The following ZNF780B variants were observed in gnomAD, a reference collection of about 807,000 sequenced individuals.
The protein encoded by ZNF780B is zinc finger protein 780B.
A neutral mutation model predicts 74.1 loss-of-function variants in ZNF780B; 52 were observed. The ratio of observed to expected loss-of-function variants is 0.70; its 90% confidence interval spans 0.56 to 0.88. ZNF780B has a LOEUF of 0.88. Among genes scored for constraint, ZNF780B ranks in the 40% least tolerant of loss-of-function variants. The pLI is 0.00. For synonymous variants in ZNF780B, 315 were observed against 324.3 expected (o/e 0.97, Z 0.31); for missense variants, 953 against 1,007.6 (o/e 0.95, Z 0.73).
At chr19:40,045,165 T>A (rs1972875553) in intron 4 of ZNF780B, among the ~76,000 whole-genome samples, 1 of 152,102 alleles carries the variant, frequency 6.6e-6, no homozygotes, top group Non-Finnish European at 1.5e-5. Flanking sequence ...TCTAAACATA[T>A]AACACCAACA....
At chr19:40,037,100 A>G (rs1046219209) in intron 4 of ZNF780B, among the ~76,000 whole-genome samples, 4 of 152,038 alleles carry the variant, frequency 2.6e-5, no homozygotes, top group African/African-American at 9.7e-5. Flanking sequence ...TTTTTAGTAG[A>G]GACGAGGTTT....
chr19:40,034,876 ACT>A lies in ZNF780B; in HGVS notation c.1981_1982del (p.Ser661TyrfsTer9). 1 of 1,613,966 alleles carries A rather than the reference ACT, an allele frequency of 6.2e-7. No homozygotes were observed. The highest frequency in any genetic ancestry group is 1.1e-5 in the South Asian group (1 of 91,068). On this transcript the variant is annotated frameshift_variant, in exon 5 of 5. Transcript: ENST00000434248. LOFTEE classifies it high-confidence loss of function. ...NRVSNLVQHQSIHAGVKPYEC... is the reference protein window; with the variant it reads ...NRVSNLVQHQXIHAGVKPYEC... ...CATATGGTTTTACACCAGCATGAAT[ACT>A]CTGATGTTGAACAAGGTTTGAGACA...
At position 40,032,839 on chromosome 19, in the gene ZNF780B, G is replaced by A. The variant is rs991538622; in HGVS notation, c.*1518C>T. Reference sequence around the variant, plus strand: ...GAATATTTTCCTTAAGGGTAATTATGGTACTATGGTTATATGATATTGTCT... The same window carrying A: ...GAATATTTTCCTTAAGGGTAATTATAGTACTATGGTTATATGATATTGTCT... On this transcript the variant is annotated 3_prime_UTR_variant, in exon 5 of 5. Coordinates refer to ENST00000434248, the MANE Select transcript of ZNF780B (RefSeq NM_001005851.3). 4 of 153,782 alleles carry A rather than the reference G, an allele frequency of 2.6e-5. No homozygotes were observed. The highest frequency in any genetic ancestry group is 9.7e-5 in the African/African-American group (4 of 41,370). The allele number at this position is 153,782 out of a possible 1,614,324, so 9.5% of individuals were successfully genotyped here. A position where few individuals can be genotyped will look rare whatever the true frequency, so the allele number is the denominator to read the frequency against.
intron 1 of ZNF780B, among the ~76,000 whole-genome samples, chr19:40,055,186 A>C (rs1419080221): frequency 6.6e-6 from 1 of 151,172 alleles, no homozygotes; most frequent in Non-Finnish European, 1.5e-5. Context: ...CCAGCTTAGA[A>C]GAAGAGAGCG....
intron 1 of ZNF780B, chr19:40,055,597 A>T (rs770333104): frequency 4.6e-5 from 7 of 152,128 alleles, no homozygotes; most frequent in Non-Finnish European, 8.8e-5. Flanking sequence ...AATGAGAAGG[A>T]AATAAAAGGA....
intron 4 of ZNF780B, among the ~76,000 whole-genome samples, chr19:40,039,953 C>T (rs373690650): frequency 2.0e-5 from 3 of 151,664 alleles, no homozygotes; most frequent in Admixed American, 6.6e-5. Context: ...CTATGTTGAA[C>T]AGGAGTGGTG....
In ZNF780B at chr19:40,032,138, G is replaced by A. The variant is rs1972030701; in HGVS notation, c.*2219C>T. ...AAACACATAGCCAACAACATTTCTG[G>A]GCTACTCAAAATTCAATGTCATTTT... On this transcript the variant is annotated 3_prime_UTR_variant, in exon 5 of 5. Coordinates refer to ENST00000434248, the MANE Select transcript of ZNF780B (RefSeq NM_001005851.3). 2 of 439,102 alleles carry A rather than the reference G, an allele frequency of 4.6e-6. No homozygotes were observed. The highest frequency in any genetic ancestry group is 1.6e-5 in the South Asian group (1 of 62,464). 27.2% of individuals were successfully genotyped at this position (439,102 alleles called of 1,614,324 possible). A position where few individuals can be genotyped will look rare whatever the true frequency, so the allele number is the denominator to read the frequency against.
Position 40,028,457 on chromosome 19 carries a change from A to G in ZNF780B, c.*5900T>C, listed in dbSNP as rs543740745. ...CTCCCTTATGGGTACTGTGATTTCA[A>G]TAGGGTGTGGGATAAGTACATGACA... On this transcript the variant is annotated 3_prime_UTR_variant, in exon 5 of 5. Coordinates refer to ENST00000434248, the MANE Select transcript of ZNF780B (RefSeq NM_001005851.3). The G allele has an allele frequency of 2.0e-5, 3 of 152,302 alleles. No individual in the cohort carries two copies. The highest frequency in any genetic ancestry group is 4.8e-5 in the African/African-American group (2 of 41,576). 9.4% of individuals were successfully genotyped at this position (152,302 alleles called of 1,614,324 possible).
chr19:40,036,676 T>A, intron 4 of ZNF780B, 50 bp from the exon 5 acceptor site: 1 of 1,165,244 alleles, frequency 8.6e-7, no homozygotes, highest in Non-Finnish European at 1.2e-6. Context: ...ATAACATACA[T>A]GCATACAAAA....
rs752692507 is a variant in ZNF780B, at chr19:40,035,272, A to G, written c.1587T>C (p.Tyr529=). The G allele has an allele frequency of 8.1e-5, 131 of 1,614,050 alleles. 3 individuals carry two copies. The South Asian group carries it at 1.3e-3, about 16-fold the overall frequency. The change falls in exon 5 of 5, where the codon TAT becomes TAC. Residue 529 remains tyrosine (Y), a synonymous_variant. Transcript: ENST00000434248. The stretch of plus-strand genomic sequence containing the variant: ...AAGCCTTCCCACACTCCTTACATTC[A>G]TAGGGCTTCTCACCAGTGTGAATAC... ...HQSIHTGEKP[Y]ECKECGKAFR...
Position 40,029,129 on chromosome 19 carries a change from C to A in ZNF780B, c.*5228G>T, listed in dbSNP as rs376991905. ...AAATGAAGACAGTGAATCCCTGAGACCACAACTTGTGCAGAAGACTCATTG... is the reference window on the plus strand; with the variant it reads ...AAATGAAGACAGTGAATCCCTGAGAACACAACTTGTGCAGAAGACTCATTG... On this transcript the variant is annotated 3_prime_UTR_variant, in exon 5 of 5. Coordinates refer to ENST00000434248, the MANE Select transcript of ZNF780B (RefSeq NM_001005851.3). 51 of 152,280 alleles carry A rather than the reference C, an allele frequency of 3.3e-4. No individual in the cohort carries two copies. Among genetic ancestry groups the A allele is most frequent in the African/African-American group, 1.2e-3 (50 of 41,562 alleles). The allele number at this position is 152,280 out of a possible 1,614,324, so 9.4% of individuals were successfully genotyped here.
chr19:40,036,129 T>C lies in ZNF780B; in HGVS notation c.730A>G (p.Thr244Ala), dbSNP rs1568408981. 6 of 1,613,882 alleles carry C rather than the reference T, an allele frequency of 3.7e-6. No individual in the cohort carries two copies. Among genetic ancestry groups the C allele is most frequent in the Non-Finnish European group, 5.1e-6 (6 of 1,179,974 alleles). The change falls in exon 5 of 5, where the codon ACA (threonine) becomes GCA (alanine). Residue 244 changes from threonine to alanine, a missense_variant. Coordinates refer to ENST00000434248, the MANE Select transcript of ZNF780B (RefSeq NM_001005851.3). ...TQLNRHKNIH[T>A]VKKLFECKEC... The stretch of plus-strand genomic sequence containing the variant: ...TTACATTCAAACAGTTTCTTAACTG[T>C]GTGAATGTTCTTATGGCGATTAAGC...
chr19:40,055,523 T>C (rs1178483352), intron 1 of ZNF780B: 2 of 152,114 alleles, frequency 1.3e-5, no homozygotes, highest in African/African-American at 2.4e-5. Context: ...TCCAGGCTTT[T>C]CTTGGAGCGC....
Position 40,035,349 on chromosome 19 carries a change from T to G in ZNF780B, c.1510A>C (p.Lys504Gln), listed in dbSNP as rs979165394. 1 of 1,614,190 alleles carries G rather than the reference T, an allele frequency of 6.2e-7. No homozygotes were observed. The highest frequency in any genetic ancestry group is 1.3e-5 in the African/African-American group (1 of 75,044). ...IHTGEKPFECKDCGKAFNRGS... is the reference protein window; with the variant it reads ...IHTGEKPFECQDCGKAFNRGS... ...CGATTGAAGGCCTTCCCACAGTCTTTACATTCAAATGGTTTCTCACCAGTA... is the reference window on the plus strand; with the variant it reads ...CGATTGAAGGCCTTCCCACAGTCTTGACATTCAAATGGTTTCTCACCAGTA... The change falls in exon 5 of 5, where the codon AAA becomes CAA. Residue 504 changes from lysine (K) to glutamine (Q), a missense_variant. Transcript: ENST00000434248.
At chr19:40,045,251 G>C (rs936209844) in intron 4 of ZNF780B, among the ~76,000 whole-genome samples, 1 of 152,084 alleles carries the variant, frequency 6.6e-6, no homozygotes, top group Non-Finnish European at 1.5e-5. Context: ...ATAATCACTG[G>C]GGACGTCACT....
At chr19:40,041,759 G>A (rs1247902602) in intron 4 of ZNF780B, among the ~76,000 whole-genome samples, 8 of 151,984 alleles carry the variant, frequency 5.3e-5, no homozygotes, top group African/African-American at 1.9e-4. Flanking sequence ...CATTTTCTTG[G>A]TAGATCTTCC....
intron 4 of ZNF780B, among the ~76,000 whole-genome samples, chr19:40,039,141 T>G (rs1972506077): frequency 1.3e-5 from 2 of 151,438 alleles, no homozygotes; most frequent in Non-Finnish European, 3.0e-5. Flanking sequence ...GCTAGCCAGT[T>G]TTCCCAGCAC....
At chr19:40,054,920 T>C (rs925385110) in intron 1 of ZNF780B, among the ~76,000 whole-genome samples, 4 of 152,182 alleles carry the variant, frequency 2.6e-5, no homozygotes, top group African/African-American at 4.8e-5. Context: ...CTGGCAAGTA[T>C]TACAATTATC....
At chr19:40,053,669 C>T (rs765598150) in intron 1 of ZNF780B, among the ~76,000 whole-genome samples, 4 of 152,016 alleles carry the variant, frequency 2.6e-5, no homozygotes, top group Admixed American at 6.5e-5. Flanking sequence ...AACTGTCTAT[C>T]AATGAATGGA....
Sources: gnomAD v4.1 joint callset for allele counts (sites outside exome capture counted in the v4.1 genomes callset) on GRCh38, gnomAD v4.1.1 for gene constraint, MANE v1.5 for transcripts, NCBI Gene and HGNC (gene_info 2026-07-23, HGNC 2026-07-21) for gene names.